The following HS3ST4 variants were observed in gnomAD, a reference collection of about 807,000 sequenced individuals.
The protein encoded by HS3ST4 is heparan sulfate glucosamine 3-O-sulfotransferase 4.
HS3ST4 carries 17 observed loss-of-function variants against 29.2 expected under a neutral mutation model. The observed-to-expected ratio is 0.58, with a 90% CI of 0.40 to 0.87. HS3ST4 has a LOEUF of 0.87. Ranked by LOEUF, HS3ST4 falls within the 40% of genes least tolerant of loss-of-function variation. The probability of loss-of-function intolerance (pLI) is 0.00; values close to 1 mark genes in which losing one functional copy is unlikely to be tolerated. For synonymous variants in HS3ST4, 314 were observed against 285.7 expected, an observed-to-expected ratio of 1.10 and a Z score of -1.00; for missense variants, 627 against 634.5, an observed-to-expected ratio of 0.99 and a Z score of 0.13.
intron 1 of HS3ST4, among the ~76,000 whole-genome samples, chr16:26,118,421 C>T (rs1353023018): frequency 6.6e-6 from 1 of 152,044 alleles, no homozygotes; most frequent in Non-Finnish European, 1.5e-5. Flanking sequence ...GTAGATGTCA[C>T]AAAAACTACA....
chr16:25,847,401 AG>A (rs1967477132), intron 1 of HS3ST4, among the ~76,000 whole-genome samples: 2 of 152,196 alleles, frequency 1.3e-5, no homozygotes, highest in Admixed American at 6.5e-5. Flanking sequence ...TGAGTTTAGT[AG>A]TTTTTGTTGG....
At chr16:25,886,142 C>T (rs962668691) in intron 1 of HS3ST4, among the ~76,000 whole-genome samples, 4 of 145,482 alleles carry the variant, frequency 2.7e-5, no homozygotes, top group East Asian at 2.2e-4. Context: ...AAGCAATTCT[C>T]CTGCCTCAGC....
intron 1 of HS3ST4, among the ~76,000 whole-genome samples, chr16:26,107,216 A>G (rs1479606737): frequency 6.6e-6 from 1 of 152,100 alleles, no homozygotes; most frequent in African/African-American, 2.4e-5. Flanking sequence ...GAATTAAAGA[A>G]TTTGTTGCCC....
At chr16:26,007,197 A>G (rs910675060) in intron 1 of HS3ST4, among the ~76,000 whole-genome samples, 1 of 152,206 alleles carries the variant, frequency 6.6e-6, no homozygotes, top group East Asian at 1.9e-4. Context: ...TTGCCCCTTT[A>G]CAGAAAGGCA....
chr16:26,073,416 C>G (rs1460209834), intron 1 of HS3ST4, among the ~76,000 whole-genome samples: 4 of 151,892 alleles, frequency 2.6e-5, no homozygotes, highest in Non-Finnish European at 5.9e-5. Flanking sequence ...ACTCTGTTAC[C>G]CAGGCTGGAG....
intron 1 of HS3ST4, among the ~76,000 whole-genome samples, chr16:26,132,893 AATATG>A (rs1391842226): frequency 1.3e-5 from 2 of 152,224 alleles, no homozygotes; most frequent in Non-Finnish European, 2.9e-5. Context: ...ATATTTTTAT[AATATG>A]ATATGAGTTG....
intron 1 of HS3ST4, among the ~76,000 whole-genome samples, chr16:25,896,593 CA>C (rs1457528535): frequency 6.6e-6 from 1 of 152,084 alleles, no homozygotes. Context: ...GGAGATTTCT[CA>C]AAGAACTGAG....
At chr16:25,766,951 C>T (rs572396296) in intron 1 of HS3ST4, among the ~76,000 whole-genome samples, 2 of 152,258 alleles carry the variant, frequency 1.3e-5, no homozygotes, top group East Asian at 3.9e-4. Flanking sequence ...ACTTCCAAAT[C>T]CTGCATTCTT....
intron 1 of HS3ST4, among the ~76,000 whole-genome samples, chr16:25,833,014 A>C (rs936368602): frequency 6.6e-6 from 1 of 152,254 alleles, no homozygotes; most frequent in Non-Finnish European, 1.5e-5. Flanking sequence ...TCTGATTCAC[A>C]GAGAGGTATC....
chr16:25,874,821 GC>G (rs1967812807), intron 1 of HS3ST4, among the ~76,000 whole-genome samples: 1 of 152,168 alleles, frequency 6.6e-6, no homozygotes, highest in African/African-American at 2.4e-5. Flanking sequence ...GGACTCTGGA[GC>G]CATGTAGTTT....
chr16:25,998,661 G>A (rs1306455122), intron 1 of HS3ST4, among the ~76,000 whole-genome samples: 1 of 152,002 alleles, frequency 6.6e-6, no homozygotes, highest in East Asian at 1.9e-4. Context: ...ATACTTCTAA[G>A]ACTTGCCAAA....
chr16:25,817,401 A>G (rs986135845), intron 1 of HS3ST4, among the ~76,000 whole-genome samples: 2 of 152,228 alleles, frequency 1.3e-5, no homozygotes, highest in Non-Finnish European at 2.9e-5. Flanking sequence ...AGGGTCATAC[A>G]ACCTCGTTGC....
At chr16:25,949,321 A>G (rs1420983972) in intron 1 of HS3ST4, among the ~76,000 whole-genome samples, 1 of 152,004 alleles carries the variant, frequency 6.6e-6, no homozygotes, top group Non-Finnish European at 1.5e-5. Context: ...CTTTCTAACT[A>G]TTTTTGGTAC....
intron 1 of HS3ST4, among the ~76,000 whole-genome samples, chr16:26,042,131 G>A (rs1444745421): frequency 2.0e-5 from 3 of 152,032 alleles, no homozygotes; most frequent in Non-Finnish European, 2.9e-5. Context: ...TGTGCCCCCC[G>A]CCTGCCTTAT....
At chr16:25,782,928 A>T (rs1253736504) in intron 1 of HS3ST4, among the ~76,000 whole-genome samples, 1 of 152,158 alleles carries the variant, frequency 6.6e-6, no homozygotes, top group Non-Finnish European at 1.5e-5. Context: ...TTGTGGTAAT[A>T]GCTTGTCTGT....
intron 1 of HS3ST4, among the ~76,000 whole-genome samples, chr16:25,749,230 A>C (rs1339509455): frequency 6.6e-6 from 1 of 152,194 alleles, no homozygotes; most frequent in Non-Finnish European, 1.5e-5. Context: ...GCAGTGGCTC[A>C]CACCTGTAAT....
intron 1 of HS3ST4, among the ~76,000 whole-genome samples, chr16:26,071,054 T>G (rs1484831094): frequency 2.6e-5 from 4 of 152,218 alleles, no homozygotes; most frequent in Non-Finnish European, 5.9e-5. Flanking sequence ...TTTGGTGAAT[T>G]GCAAAGTGTG....
chr16:25,782,887 TAA>T (rs1198870555), intron 1 of HS3ST4, among the ~76,000 whole-genome samples: 1 of 152,206 alleles, frequency 6.6e-6, no homozygotes, highest in Non-Finnish European at 1.5e-5. Flanking sequence ...CTTAATAGTT[TAA>T]AAAATCCTTT....
intron 1 of HS3ST4, among the ~76,000 whole-genome samples, chr16:25,796,806 G>A (rs974888324): frequency 2.6e-5 from 4 of 152,192 alleles, no homozygotes; most frequent in Non-Finnish European, 5.9e-5. Flanking sequence ...TTAATGACAT[G>A]CTAATTAAGG....
Sources: allele counts gnomAD v4.1 joint callset (sites outside exome capture counted in the v4.1 genomes callset), GRCh38; gene constraint gnomAD v4.1.1; transcripts MANE v1.5; gene names NCBI Gene and HGNC (gene_info 2026-07-23, HGNC 2026-07-21).